Variants in OR2L13 observed in about 807,000 individuals in gnomAD.
OR2L13 encodes the protein olfactory receptor 2L13.
In OR2L13, 14 loss-of-function variants were observed where a neutral mutation model predicts 15.3. The ratio of observed to expected loss-of-function variants is 0.91; its 90% CI spans 0.60 to 1.43. The LOEUF (loss-of-function observed/expected upper bound fraction) is 1.43, where lower values mean the gene tolerates loss of function less well. Among genes scored for constraint, OR2L13 ranks in the 40% most tolerant of loss-of-function variants. The probability of loss-of-function intolerance (pLI) is 0.00; values close to 1 mark genes in which losing one functional copy is unlikely to be tolerated. For synonymous variants in OR2L13, 152 were observed against 142.9 expected, an observed-to-expected ratio of 1.06 and a Z score of -0.45; for missense variants, 367 against 387.9, an observed-to-expected ratio of 0.95 and a Z score of 0.45.
chr1:248,015,115 T>G, the OR2L13 span, among the ~76,000 whole-genome samples: 1 of 152,170 alleles, frequency 6.6e-6, no homozygotes, highest in African/African-American at 2.4e-5. Flanking sequence ...AAGCAAATAT[T>G]CACTTTATAT....
the OR2L13 span, chr1:248,062,552 T>A: frequency 6.6e-6 from 1 of 152,090 alleles, no homozygotes; most frequent in Non-Finnish European, 1.5e-5. Context: ...AAGAGACTGA[T>A]GGTCACCAGA....
chr1:248,018,777 T>C, the OR2L13 span, among the ~76,000 whole-genome samples: 1 of 152,178 alleles, frequency 6.6e-6, no homozygotes, highest in Admixed American at 6.5e-5. Context: ...CCAACTAAAA[T>C]TGTGTTCTCC....
chr1:247,982,762 G>A, the OR2L13 span, among the ~76,000 whole-genome samples: 3 of 152,070 alleles, frequency 2.0e-5, no homozygotes, highest in Non-Finnish European at 2.9e-5. Context: ...CAGGTGATAC[G>A]AGGAAATAGA....
chr1:248,055,221 G>C, the OR2L13 span, among the ~76,000 whole-genome samples: 1 of 152,082 alleles, frequency 6.6e-6, no homozygotes, highest in African/African-American at 2.4e-5. Context: ...CTTTAGTTCT[G>C]TTTATGTGAT....
At chr1:248,009,682 C>T in the OR2L13 span, among the ~76,000 whole-genome samples, 1 of 152,068 alleles carries the variant, frequency 6.6e-6, no homozygotes, top group East Asian at 1.9e-4. Flanking sequence ...CAGCATCTCC[C>T]CAACACCAAA....
chr1:247,948,612 A>G, the OR2L13 span, among the ~76,000 whole-genome samples: 53 of 152,364 alleles, frequency 3.5e-4, no homozygotes, highest in Non-Finnish European at 2.9e-4. Flanking sequence ...TATTTATAGT[A>G]TACTGTATAA....
At chr1:248,002,053 G>T in the OR2L13 span, among the ~76,000 whole-genome samples, 3 of 152,090 alleles carry the variant, frequency 2.0e-5, no homozygotes, top group Admixed American at 6.5e-5. Context: ...TATTGGATTT[G>T]TCTTAATGCC....
chr1:248,072,618 T>G, the OR2L13 span, among the ~76,000 whole-genome samples: 1 of 151,918 alleles, frequency 6.6e-6, no homozygotes, highest in South Asian at 2.1e-4. Flanking sequence ...AAAGCCAAAA[T>G]TGACAAATGG....
At chr1:248,070,922 C>T in the OR2L13 span, among the ~76,000 whole-genome samples, 1 of 152,132 alleles carries the variant, frequency 6.6e-6, no homozygotes, top group Non-Finnish European at 1.5e-5. Context: ...CAAGACTAAA[C>T]CAGGGAGAAG....
At chr1:247,970,096 A>C in the OR2L13 span, among the ~76,000 whole-genome samples, 2 of 152,150 alleles carry the variant, frequency 1.3e-5, no homozygotes, top group African/African-American at 2.4e-5. Flanking sequence ...GCCAGGGAGG[A>C]TGTTTTATTT....
At chr1:248,022,925 A>G in the OR2L13 span, 1 of 1,552,874 alleles carries the variant, frequency 6.4e-7, no homozygotes, top group Non-Finnish European at 8.7e-7. Flanking sequence ...CTAGGTTCAT[A>G]TCAACTCAGC....
the OR2L13 span, among the ~76,000 whole-genome samples, chr1:248,005,241 A>G: frequency 3.9e-5 from 6 of 152,214 alleles, no homozygotes; most frequent in African/African-American, 1.2e-4. Context: ...GGTTACCCCA[A>G]TTACCCAAAT....
chr1:247,981,873 T>G, the OR2L13 span, among the ~76,000 whole-genome samples: 15 of 151,744 alleles, frequency 9.9e-5, no homozygotes, highest in Non-Finnish European at 2.1e-4. Flanking sequence ...TGGAGTGCAG[T>G]GGTGTGATCT....
At chr1:248,021,195 T>A in the OR2L13 span, among the ~76,000 whole-genome samples, 1 of 152,168 alleles carries the variant, frequency 6.6e-6, no homozygotes, top group African/African-American at 2.4e-5. Flanking sequence ...GTAAGACAGA[T>A]GATTTTTCCT....
chr1:248,095,457 G>A (rs916987500), upstream of OR2L13, among the ~76,000 whole-genome samples: 2 of 151,960 alleles, frequency 1.3e-5, no homozygotes, highest in African/African-American at 2.4e-5. Context: ...TCTCACTTCA[G>A]AAAGAGTTTT....
At chr1:247,957,642 G>T in the OR2L13 span, among the ~76,000 whole-genome samples, 1 of 152,156 alleles carries the variant, frequency 6.6e-6, no homozygotes, top group East Asian at 1.9e-4. Context: ...TCTATTCAGA[G>T]ATTCAATTTC....
chr1:248,030,005 C>A, the OR2L13 span: 1 of 152,124 alleles, frequency 6.6e-6, no homozygotes, highest in Admixed American at 6.6e-5. Context: ...ACCAGCAAAA[C>A]AACTGTTAAT....
At chr1:248,081,058 G>A in the OR2L13 span, among the ~76,000 whole-genome samples, 1 of 152,114 alleles carries the variant, frequency 6.6e-6, no homozygotes, top group Non-Finnish European at 1.5e-5. Flanking sequence ...CACACAATGG[G>A]AAATCACTAA....
chr1:248,085,436 T>TAAAATAA, the OR2L13 span, among the ~76,000 whole-genome samples: 18 of 84,506 alleles, frequency 2.1e-4, no homozygotes, highest in East Asian at 1.7e-3. Flanking sequence ...TAAAATAAAA[T>TAAAATAA]AATAAAATAA....
Sources: allele counts gnomAD v4.1 joint callset (sites outside exome capture counted in the v4.1 genomes callset), GRCh38; gene constraint gnomAD v4.1.1; transcripts MANE v1.5; gene names NCBI Gene and HGNC (gene_info 2026-07-23, HGNC 2026-07-21).